Variants in EXOC6B observed in about 807,000 individuals in gnomAD.
EXOC6B encodes SEC15 homolog B.
In EXOC6B, 54 loss-of-function variants were observed where a neutral mutation model predicts 113.5. That is an observed-to-expected ratio of 0.48 (90% CI 0.38 to 0.60). The LOEUF is 0.60. EXOC6B is among the 20% of genes least tolerant of loss of function. EXOC6B has a pLI of 0.00. For missense variants in EXOC6B, 797 were observed against 977.5 expected (o/e 0.82, Z 2.46); for synonymous variants, 357 against 339.0 (o/e 1.05, Z -0.58).
chr2:72,637,671 T>A (rs1672944773), intron 6 of EXOC6B, among the ~76,000 whole-genome samples: 1 of 151,974 alleles, frequency 6.6e-6, no homozygotes, highest in African/African-American at 2.4e-5. Context: ...TCGCCTTTAG[T>A]CCCAGCTACT....
At chr2:72,738,851 C>A (rs1434117105) in intron 2 of EXOC6B, among the ~76,000 whole-genome samples, 1 of 152,142 alleles carries the variant, frequency 6.6e-6, no homozygotes, top group African/African-American at 2.4e-5. Flanking sequence ...TGGTACACAC[C>A]TGTAGTCCTA....
intron 2 of EXOC6B, 137 bp from the exon 3 acceptor site, chr2:72,733,255 G>T: frequency 1.5e-6 from 1 of 659,280 alleles, no homozygotes; most frequent in Non-Finnish European, 2.6e-6. Flanking sequence ...TGGTCCAGTG[G>T]CATTCTCTTG....
chr2:72,714,537 A>C lies in EXOC6B; in HGVS notation c.669+3566T>G, dbSNP rs146563401. 3.3e-3 allele frequency among the ~76,000 whole-genome samples: 506 copies of C among 152,348 alleles called. 2 individuals are homozygous for C. The highest frequency in any genetic ancestry group is 0.012 in the African/African-American group (482 of 41,586). On this transcript the variant is annotated intron_variant, in intron 6 of 21. Transcript: ENST00000272427. Reference sequence around the variant, plus strand: ...TCATTTGCAGACTGAATTTATAGGGAAAGAAGTAGTCCCAGAAACTTAGGC... The same window carrying C: ...TCATTTGCAGACTGAATTTATAGGGCAAGAAGTAGTCCCAGAAACTTAGGC...
chr2:72,197,658 CAG>C (rs1679254463), intron 20 of EXOC6B, among the ~76,000 whole-genome samples: 1 of 151,872 alleles, frequency 6.6e-6, no homozygotes, highest in African/African-American at 2.4e-5. Flanking sequence ...AACAGGATGA[CAG>C]AGGAATGGCC....
intron 1 of EXOC6B, among the ~76,000 whole-genome samples, chr2:72,822,830 A>G (rs1375805932): frequency 6.6e-6 from 1 of 152,184 alleles, no homozygotes; most frequent in Non-Finnish European, 1.5e-5. Flanking sequence ...CATACTATGA[A>G]GAAGAAAAGT....
At chr2:72,399,271 C>G (rs932109671) in intron 18 of EXOC6B, among the ~76,000 whole-genome samples, 4 of 151,992 alleles carry the variant, frequency 2.6e-5, no homozygotes, top group African/African-American at 7.2e-5. Context: ...ATAATAAAAG[C>G]AATATACAAC....
intron 1 of EXOC6B, among the ~76,000 whole-genome samples, chr2:72,762,329 A>G (rs1682792757): frequency 7.5e-6 from 1 of 134,008 alleles, no homozygotes; most frequent in African/African-American, 4.1e-5. Flanking sequence ...GTGATATAGC[A>G]TGAAAAATAA....
chr2:72,680,681 G>A (rs1156750705), intron 6 of EXOC6B, among the ~76,000 whole-genome samples: 5 of 151,948 alleles, frequency 3.3e-5, no homozygotes, highest in African/African-American at 9.7e-5. Context: ...GGAGGTTGCA[G>A]TGAGCTGAGA....
At chr2:72,254,654 T>G (rs1683240853) in intron 20 of EXOC6B, among the ~76,000 whole-genome samples, 4 of 152,214 alleles carry the variant, frequency 2.6e-5, no homozygotes, top group African/African-American at 9.6e-5. Flanking sequence ...GGTAAACTTT[T>G]GCGGCAAGTG....
intron 1 of EXOC6B, among the ~76,000 whole-genome samples, chr2:72,783,185 G>GT (rs1465474116): frequency 1.6e-4 from 21 of 133,624 alleles, no homozygotes; most frequent in Admixed American, 3.7e-4. Flanking sequence ...TGTTTGTTGG[G>GT]GTTTTTTTTT....
chr2:72,762,192 C>T (rs1318397080), intron 1 of EXOC6B, among the ~76,000 whole-genome samples: 1 of 147,466 alleles, frequency 6.8e-6, no homozygotes, highest in Non-Finnish European at 1.5e-5. Flanking sequence ...TGCAGTGAGC[C>T]GAGATGGTGC....
intron 7 of EXOC6B, among the ~76,000 whole-genome samples, chr2:72,569,721 C>T (rs1704407146): frequency 6.6e-6 from 1 of 152,088 alleles, no homozygotes; most frequent in African/African-American, 2.4e-5. Flanking sequence ...CTAAAGTAGC[C>T]TTTAACTTAT....
rs1267082033 is a variant in EXOC6B at position 72,266,500 on chromosome 2, G to A, written c.2196+68447C>T. On this transcript the variant is annotated intron_variant, in intron 20 of 21. Coordinates refer to ENST00000272427, the MANE Select transcript of EXOC6B (RefSeq NM_015189.3). ...CTAGCCAGTTTTCCCAGCACCATTT[G>A]TTAAATAGGGAATCCTTTCCCCATT... Among the ~76,000 whole-genome samples the A allele has an allele frequency of 2.9e-3, 440 of 151,702 alleles. 5 individuals are homozygous for A. Among genetic ancestry groups the A allele is most frequent in the African/African-American group, 0.01 (429 of 41,196 alleles).
intron 8 of EXOC6B, among the ~76,000 whole-genome samples, chr2:72,536,228 T>C (rs2105773186): frequency 6.6e-6 from 1 of 152,304 alleles, no homozygotes; most frequent in Non-Finnish European, 1.5e-5. Flanking sequence ...GATACGTCAT[T>C]CAAGTCAACA....
chr2:72,803,282 G>A (rs539103584), intron 1 of EXOC6B, among the ~76,000 whole-genome samples: 1 of 151,776 alleles, frequency 6.6e-6, no homozygotes, highest in East Asian at 1.9e-4. Flanking sequence ...GTGCTACCCA[G>A]GGCAACTCTC....
At chr2:72,627,894 C>T (rs4852883) in intron 6 of EXOC6B, among the ~76,000 whole-genome samples, 98,208 of 151,880 alleles carry the variant, frequency 0.65, 35,967 homozygotes, top group East Asian at 0.99. Flanking sequence ...CACACAGCTC[C>T]CATTTTTGTT....
intron 21 of EXOC6B, among the ~76,000 whole-genome samples, chr2:72,181,530 C>A (rs1448109880): frequency 6.6e-6 from 1 of 152,146 alleles, no homozygotes; most frequent in Admixed American, 6.5e-5. Flanking sequence ...TAAACATTAA[C>A]AACAACAGAA....
At chr2:72,302,734 G>A (rs1469585165) in intron 20 of EXOC6B, among the ~76,000 whole-genome samples, 1 of 151,906 alleles carries the variant, frequency 6.6e-6, no homozygotes, top group Non-Finnish European at 1.5e-5. Flanking sequence ...TGTGTGAGAT[G>A]GGTCTTAGGT....
chr2:72,493,330 C>CCG (rs1553425991), intron 15 of EXOC6B, among the ~76,000 whole-genome samples: 4 of 137,956 alleles, frequency 2.9e-5, no homozygotes, highest in African/African-American at 1.1e-4. Flanking sequence ...CCCCCCCCCC[C>CCG]CCCCGCATTT....
Sources: allele counts gnomAD v4.1 joint callset (sites outside exome capture counted in the v4.1 genomes callset), GRCh38; gene constraint gnomAD v4.1.1; transcripts MANE v1.5; gene names NCBI Gene and HGNC (gene_info 2026-07-23, HGNC 2026-07-21).